SPIDR: variants seen among roughly 807,000 people sequenced by gnomAD.
SPIDR encodes DNA repair-scaffolding protein.
SPIDR carries 93 observed loss-of-function variants against 104.6 expected under a neutral mutation model. That is an observed-to-expected ratio of 0.89 (90% CI 0.75 to 1.06). The LOEUF is 1.06. SPIDR is among the 50% of genes least tolerant of loss of function. The probability of loss-of-function intolerance (pLI) is 0.00; values close to 1 mark genes in which losing one functional copy is unlikely to be tolerated. For synonymous variants in SPIDR, 431 were observed against 416.9 expected, an observed-to-expected ratio of 1.03 and a Z score of -0.41; for missense variants, 1,154 against 1,111.2, an observed-to-expected ratio of 1.04 and a Z score of -0.55.
At chr8:47,352,278 C>CAAAAAAAA (rs35556300) in intron 5 of SPIDR, among the ~76,000 whole-genome samples, 1 of 130,850 alleles carries the variant, frequency 7.6e-6, no homozygotes, top group African/African-American at 3.2e-5. Context: ...TCCATCTCAA[C>CAAAAAAAA]AAAAAAAAAA....
chr8:47,471,811 AC>A (rs571847139), intron 8 of SPIDR, among the ~76,000 whole-genome samples: 1 of 152,188 alleles, frequency 6.6e-6, no homozygotes, highest in Non-Finnish European at 1.5e-5. Context: ...TAGTTTTCTA[AC>A]CCAAATTCAT....
Position 47,707,147 on chromosome 8 carries a change from G to A in SPIDR, c.1977+5132G>A, listed in dbSNP as rs567885702. Among the ~76,000 whole-genome samples, 37 of 152,090 alleles carry A rather than the reference G, an allele frequency of 2.4e-4. No individual in the cohort carries two copies. The South Asian group carries it at 7.1e-3, about 29-fold the overall frequency. ...TGCACGCCTGTAGTCCCAGCTACTTGGGAGGCTGAGGCAGGAGAATGGCTT... is the reference window on the plus strand; with the variant it reads ...TGCACGCCTGTAGTCCCAGCTACTTAGGAGGCTGAGGCAGGAGAATGGCTT... On this transcript the variant is annotated intron_variant, in intron 14 of 19. Transcript: ENST00000297423.
At chr8:47,450,950 T>C (rs1554705545) in intron 8 of SPIDR, among the ~76,000 whole-genome samples, 3 of 152,214 alleles carry the variant, frequency 2.0e-5, no homozygotes, top group Admixed American at 2.0e-4. Context: ...AGTGGGATAA[T>C]TAGATTCCCA....
chr8:47,404,638 A>C (rs993775794), intron 6 of SPIDR, among the ~76,000 whole-genome samples: 9 of 152,220 alleles, frequency 5.9e-5, no homozygotes, highest in African/African-American at 9.6e-5. Context: ...ATGCAAATCA[A>C]AACCACAATG....
At chr8:47,302,778 A>G (rs999219965) in intron 5 of SPIDR, among the ~76,000 whole-genome samples, 5,786 of 152,240 alleles carry the variant, frequency 0.038, 348 homozygotes, top group African/African-American at 0.13. Flanking sequence ...TTTATACCAA[A>G]TGTTGCTGCC....
intron 10 of SPIDR, among the ~76,000 whole-genome samples, chr8:47,622,259 A>G (rs1316994509): frequency 6.6e-6 from 1 of 152,182 alleles, no homozygotes; most frequent in African/African-American, 2.4e-5. Flanking sequence ...AGGTCTAAAG[A>G]TGGCTTTGAA....
intron 8 of SPIDR, among the ~76,000 whole-genome samples, chr8:47,570,299 G>A (rs1469310134): frequency 6.6e-6 from 1 of 152,182 alleles, no homozygotes; most frequent in African/African-American, 2.4e-5. Flanking sequence ...AAGGTACCAA[G>A]ATCATTCAAG....
At chr8:47,416,571 G>A (rs1250294584) in intron 7 of SPIDR, among the ~76,000 whole-genome samples, 1 of 152,092 alleles carries the variant, frequency 6.6e-6, no homozygotes, top group African/African-American at 2.4e-5. Context: ...GTTATGGTAA[G>A]GGCATGTTTT....
intron 8 of SPIDR, among the ~76,000 whole-genome samples, chr8:47,557,778 T>G (rs1167580079): frequency 6.6e-6 from 1 of 152,180 alleles, no homozygotes; most frequent in African/African-American, 2.4e-5. Flanking sequence ...ATTAAGACCT[T>G]TTGAGATACG....
rs181102873 is a variant in SPIDR, at chr8:47,673,950, G to T, written c.1685+9G>T. Reference sequence around the variant, plus strand: ...AAAGTCACCAGAGGAAGGTGAGAACGTGCAGGAATGGCATCCAATTTGCTA... The same window carrying T: ...AAAGTCACCAGAGGAAGGTGAGAACTTGCAGGAATGGCATCCAATTTGCTA... On this transcript the variant is annotated intron_variant, in intron 11 of 19. Transcript: ENST00000297423. The T allele has an allele frequency of 1.2e-6, 2 of 1,610,514 alleles. No homozygotes were observed. The highest frequency in any genetic ancestry group is 1.7e-5 in the Admixed American group (1 of 59,528).
In SPIDR at chr8:47,713,479, C is replaced by G. The variant is rs1424060555; in HGVS notation, c.2189-10C>G. 4 of 1,614,122 alleles carry G rather than the reference C, an allele frequency of 2.5e-6. No individual in the cohort carries two copies. The highest frequency in any genetic ancestry group is 1.7e-5 in the Admixed American group (1 of 60,020). On this transcript the variant is annotated splice_polypyrimidine_tract_variant and intron_variant, in intron 15 of 19. Transcript: ENST00000297423. Reference sequence around the variant, plus strand: ...AAGGCTTCAATAACCTGAAGTGTCTCTGTCGGCAGGTCGGATTGTTTGTGC... The same window carrying G: ...AAGGCTTCAATAACCTGAAGTGTCTGTGTCGGCAGGTCGGATTGTTTGTGC...
At chr8:47,644,004 G>C (rs552715050) in intron 10 of SPIDR, among the ~76,000 whole-genome samples, 1 of 152,286 alleles carries the variant, frequency 6.6e-6, no homozygotes, top group South Asian at 2.1e-4. Flanking sequence ...CAGAGGCTTC[G>C]AGTGTGATGT....
intron 5 of SPIDR, among the ~76,000 whole-genome samples, chr8:47,354,952 G>T (rs200989646): frequency 1.3e-5 from 2 of 151,596 alleles, no homozygotes; most frequent in East Asian, 3.9e-4. Flanking sequence ...CCTAATGAAG[G>T]TTTTTTGTTT....
At chr8:47,510,255 CTA>C (rs532871004) in intron 8 of SPIDR, among the ~76,000 whole-genome samples, 213 of 152,290 alleles carry the variant, frequency 1.4e-3, no homozygotes, top group African/African-American at 4.7e-3. Flanking sequence ...TGTGTCAACT[CTA>C]TGTGTAATTA....
In SPIDR at chr8:47,721,475, CT is replaced by C. The variant is rs751216278; in HGVS notation, c.2342-5711del. ...CAGTACACCATCTTAATTATTGAAA[CT>C]TTTTTTTTTTTTTGAGACAGAGTCT... On this transcript the variant is annotated intron_variant, in intron 16 of 19. Transcript: ENST00000297423. Among the ~76,000 whole-genome samples, 310 of 143,746 alleles carry C rather than the reference CT, an allele frequency of 2.2e-3. 1 individual carries two copies. Among genetic ancestry groups the C allele is most frequent in the Non-Finnish European group, 2.0e-3 (133 of 65,164 alleles). The allele number at this position is 143,746 out of a possible 152,430, so 94.3% of individuals were successfully genotyped here.
At chr8:47,539,123 A>C (rs1455061371) in intron 8 of SPIDR, among the ~76,000 whole-genome samples, 1 of 151,754 alleles carries the variant, frequency 6.6e-6, no homozygotes, top group East Asian at 1.9e-4. Flanking sequence ...AGCCTCCCAA[A>C]GTGCTGGGAT....
intron 8 of SPIDR, among the ~76,000 whole-genome samples, chr8:47,508,358 G>T (rs912613536): frequency 6.6e-6 from 1 of 152,130 alleles, no homozygotes; most frequent in Non-Finnish European, 1.5e-5. Flanking sequence ...CCAGATAAGG[G>T]AATGCATTGA....
chr8:47,406,092 T>G (rs10105853), intron 6 of SPIDR, among the ~76,000 whole-genome samples: 4,307 of 143,124 alleles, frequency 0.03, 210 homozygotes, highest in African/African-American at 0.1. Flanking sequence ...TCATTTTGCC[T>G]TTTTTTTTTT....
chr8:47,487,440 G>T (rs1267607991), intron 8 of SPIDR, among the ~76,000 whole-genome samples: 1 of 152,128 alleles, frequency 6.6e-6, no homozygotes, highest in Non-Finnish European at 1.5e-5. Flanking sequence ...ACATTAGACA[G>T]ATCAACGAGA....
Sources: allele counts gnomAD v4.1 joint callset (sites outside exome capture counted in the v4.1 genomes callset), GRCh38; gene constraint gnomAD v4.1.1; transcripts MANE v1.5; gene names NCBI Gene and HGNC (gene_info 2026-07-23, HGNC 2026-07-21).